Variants in ADAM12 observed in about 807,000 individuals in gnomAD.
The protein encoded by ADAM12 is ADAM metallopeptidase domain 12, also known as disintegrin and metalloproteinase domain-containing protein 12.
ADAM12 carries 70 observed loss-of-function variants against 106.4 expected under a neutral mutation model. That is an observed-to-expected ratio of 0.66 (90% CI 0.54 to 0.80). ADAM12 has a LOEUF of 0.80. Ranked by LOEUF, ADAM12 falls within the 30% of genes least tolerant of loss-of-function variation. The probability of loss-of-function intolerance (pLI) is 0.00; values close to 1 mark genes in which losing one functional copy is unlikely to be tolerated. For missense variants in ADAM12, 1,010 were observed against 1,171.9 expected, an observed-to-expected ratio of 0.86 and a Z score of 2.02; for synonymous variants, 420 against 433.5, an observed-to-expected ratio of 0.97 and a Z score of 0.39.
intron 2 of ADAM12, among the ~76,000 whole-genome samples, chr10:126,285,980 T>A (rs1342561377): frequency 1.2e-3 from 87 of 71,586 alleles, no homozygotes; most frequent in African/African-American, 3.7e-3. Flanking sequence ...TCCCTATTTT[T>A]TTTTTTTTTT....
intron 3 of ADAM12, among the ~76,000 whole-genome samples, chr10:126,258,558 G>A (rs1303780504): frequency 6.6e-6 from 1 of 152,190 alleles, no homozygotes; most frequent in Non-Finnish European, 1.5e-5. Flanking sequence ...TTCCCCTGGT[G>A]CAGGGTGGCG....
At chr10:126,271,050 A>T (rs1296791140) in intron 3 of ADAM12, among the ~76,000 whole-genome samples, 9 of 152,152 alleles carry the variant, frequency 5.9e-5, no homozygotes. Flanking sequence ...CAAAAATGCC[A>T]TGCCCAGTTC....
rs190012326 is a variant in ADAM12, at chr10:126,380,558, C to T, written c.88+7500G>A. 2.3e-3 allele frequency among the ~76,000 whole-genome samples: 357 copies of T among 152,298 alleles called. 8 individuals carry two copies. In the South Asian group the frequency reaches 0.024, roughly 10 times the overall value. Reference sequence around the variant, plus strand: ...CAGCAGAATTGCAGGAGATAGTGCACGCAAAGACCTGCGCACCGCTCCTGG... The same window carrying T: ...CAGCAGAATTGCAGGAGATAGTGCATGCAAAGACCTGCGCACCGCTCCTGG... On this transcript the variant is annotated intron_variant, in intron 1 of 22. Coordinates refer to ENST00000448723, the MANE Select transcript of ADAM12 (RefSeq NM_001288973.2).
At chr10:126,335,801 A>G (rs1480803155) in intron 1 of ADAM12, among the ~76,000 whole-genome samples, 2 of 152,196 alleles carry the variant, frequency 1.3e-5, no homozygotes, top group African/African-American at 4.8e-5. Flanking sequence ...ATCAACAGAG[A>G]TAAGTCCTGT....
rs140221034 is a variant in ADAM12, at chr10:126,339,292, C to A, written c.89-8783G>T. ...TTTCAATGTCTTGTCACCATCACCA[C>A]CTCAAATTCAACGTGTTTAAAAATC... On this transcript the variant is annotated intron_variant, in intron 1 of 22. Transcript: ENST00000448723. 1.2e-3 allele frequency among the ~76,000 whole-genome samples: 177 copies of A among 152,306 alleles called. No individual in the cohort carries two copies. The East Asian group carries it at 0.023, about 20-fold the overall frequency.
intron 3 of ADAM12, among the ~76,000 whole-genome samples, chr10:126,268,020 C>T (rs566971601): frequency 2.0e-5 from 3 of 152,192 alleles, no homozygotes; most frequent in African/African-American, 7.2e-5. Flanking sequence ...AATTCAGTGG[C>T]GTTAAGCACA....
Position 126,351,644 on chromosome 10 carries a change from G to A in ADAM12, c.89-21135C>T, listed in dbSNP as rs567423169. On this transcript the variant is annotated intron_variant, in intron 1 of 22. Transcript: ENST00000448723. ...TGCTGAATAGATGTGATAGAGAAGG[G>A]GGAGGTCCAGAAGCCCTCCAGTGAC... 2.0e-5 allele frequency among the ~76,000 whole-genome samples: 3 copies of A among 152,206 alleles called. No homozygotes were observed. In the East Asian group the frequency reaches 5.8e-4, roughly 29 times the overall value.
intron 5 of ADAM12, among the ~76,000 whole-genome samples, chr10:126,133,846 T>G (rs1248081095): frequency 6.6e-6 from 1 of 152,222 alleles, no homozygotes; most frequent in Non-Finnish European, 1.5e-5. Context: ...CTCTTCTCTC[T>G]GATATGCTAC....
intron 3 of ADAM12, among the ~76,000 whole-genome samples, chr10:126,208,892 G>A (rs1055465157): frequency 6.6e-6 from 1 of 150,444 alleles, no homozygotes; most frequent in African/African-American, 2.4e-5. Context: ...CATCTTTCTG[G>A]TGATCACATC....
intron 1 of ADAM12, among the ~76,000 whole-genome samples, chr10:126,365,846 A>C (rs1855891763): frequency 6.6e-6 from 1 of 152,206 alleles, no homozygotes; most frequent in African/African-American, 2.4e-5. Context: ...AAAGCCAATT[A>C]CAACACATAG....
intron 11 of ADAM12, among the ~76,000 whole-genome samples, chr10:126,086,035 G>A (rs1214062481): frequency 6.6e-6 from 1 of 152,178 alleles, no homozygotes; most frequent in Non-Finnish European, 1.5e-5. Context: ...GGATTGGCAG[G>A]ATTTCAGCTG....
intron 21 of ADAM12, among the ~76,000 whole-genome samples, chr10:126,020,227 C>G (rs576823927): frequency 1.8e-4 from 27 of 152,290 alleles, no homozygotes; most frequent in African/African-American, 6.3e-4. Flanking sequence ...GCCAACATCA[C>G]ATAGCAGGAC....
At chr10:126,286,190 C>T (rs1330893280) in intron 2 of ADAM12, among the ~76,000 whole-genome samples, 1 of 152,082 alleles carries the variant, frequency 6.6e-6, no homozygotes, top group Non-Finnish European at 1.5e-5. Flanking sequence ...TGGTGTTTTT[C>T]TCTCTTTAGA....
intron 2 of ADAM12, among the ~76,000 whole-genome samples, chr10:126,318,206 C>A (rs1052780952): frequency 1.3e-5 from 2 of 152,142 alleles, no homozygotes. Context: ...AGAACACACA[C>A]ACACACTCAA....
intron 3 of ADAM12, among the ~76,000 whole-genome samples, chr10:126,171,756 T>C (rs1957124677): frequency 6.6e-6 from 1 of 152,264 alleles, no homozygotes; most frequent in Non-Finnish European, 1.5e-5. Context: ...CAGATGACAC[T>C]GTTGTGGTTT....
intron 3 of ADAM12, among the ~76,000 whole-genome samples, chr10:126,218,893 T>C (rs1395873451): frequency 6.6e-6 from 1 of 152,214 alleles, no homozygotes; most frequent in Admixed American, 6.5e-5. Context: ...GTGATAAATA[T>C]TGATGCCAAT....
chr10:126,241,631 A>C (rs1379285709), intron 3 of ADAM12, among the ~76,000 whole-genome samples: 1 of 152,208 alleles, frequency 6.6e-6, no homozygotes, highest in East Asian at 1.9e-4. Flanking sequence ...GGCCAGGGCA[A>C]ACTGAGCCTG....
chr10:126,211,281 T>C (rs1195989343), intron 3 of ADAM12, among the ~76,000 whole-genome samples: 1 of 152,184 alleles, frequency 6.6e-6, no homozygotes, highest in Non-Finnish European at 1.5e-5. Context: ...AGTGTGTTTG[T>C]TCCCCTGTTC....
intron 1 of ADAM12, among the ~76,000 whole-genome samples, chr10:126,354,128 C>T (rs866108075): frequency 1.3e-4 from 19 of 151,662 alleles, no homozygotes; most frequent in Admixed American, 7.2e-4. Flanking sequence ...AAATCCTGCT[C>T]CTTTACTGGT....
Sources: gnomAD v4.1 joint callset for allele counts (sites outside exome capture counted in the v4.1 genomes callset) on GRCh38, gnomAD v4.1.1 for gene constraint, MANE v1.5 for transcripts, NCBI Gene and HGNC (gene_info 2026-07-23, HGNC 2026-07-21) for gene names.